The following IRX5 variants were observed in gnomAD, a reference collection of about 807,000 sequenced individuals.
IRX5 encodes the protein iroquois-class homeodomain protein IRX-5.
A neutral mutation model predicts 37.6 loss-of-function variants in IRX5; 8 were observed. The ratio of observed to expected loss-of-function variants is 0.21; its 90% CI spans 0.12 to 0.38. IRX5 has a LOEUF of 0.38. Ranked by LOEUF, IRX5 falls within the 10% of genes least tolerant of loss-of-function variation. The probability of loss-of-function intolerance (pLI) is 1.00; values close to 1 mark genes in which losing one functional copy is unlikely to be tolerated. For missense variants in IRX5, 635 were observed against 695.2 expected (o/e 0.91, Z 0.97); for synonymous variants, 359 against 328.6 (o/e 1.09, Z -1.00).
At position 54,931,399 on chromosome 16, in the gene IRX5, C is replaced by T. The variant is rs1446041154; in HGVS notation, c.201C>T (p.Tyr67=). The T allele has an allele frequency of 1.3e-5, 20 of 1,597,386 alleles. No individual in the cohort carries two copies. Among genetic ancestry groups the T allele is most frequent in the South Asian group, 2.2e-5 (2 of 90,800 alleles). The change falls in exon 1 of 3, where the codon TAC becomes TAT. Residue 67 remains tyrosine, a synonymous_variant. Coordinates refer to ENST00000394636, the MANE Select transcript of IRX5 (RefSeq NM_005853.6). ...PSPGYNSHLQ[Y]GADPAAAAAA... is the part of the protein sequence containing the mutation. ...CGGGCTACAACTCGCACCTCCAGTA[C>T]GGCGCCGACCCCGCGGCCGCCGCCG...
In IRX5 at chr16:54,931,087, G is replaced by T; in HGVS notation, c.-112G>T. 1 of 789,650 alleles carries T rather than the reference G, an allele frequency of 1.3e-6. No individual in the cohort carries two copies. The highest frequency in any genetic ancestry group is 5.8e-5 in the South Asian group (1 of 17,126). The allele number at this position is 789,650 out of a possible 1,614,324, so 48.9% of individuals were successfully genotyped here. On this transcript the variant is annotated 5_prime_UTR_variant, in exon 1 of 3. Coordinates refer to ENST00000394636, the MANE Select transcript of IRX5 (RefSeq NM_005853.6). ...CGGAGCCCCGGAGCCGGGGCCAGAGGAGCGGCGGCCCAGGGCAGCCAGAGG... is the reference window on the plus strand; with the variant it reads ...CGGAGCCCCGGAGCCGGGGCCAGAGTAGCGGCGGCCCAGGGCAGCCAGAGG...
Position 54,933,659 on chromosome 16 carries a change from C to A in IRX5, c.1238C>A (p.Thr413Lys). 1 of 1,611,990 alleles carries A rather than the reference C, an allele frequency of 6.2e-7. No homozygotes were observed. Among genetic ancestry groups the A allele is most frequent in the Non-Finnish European group, 8.5e-7 (1 of 1,178,460 alleles). Reference sequence around the variant, plus strand: ...ACCGCGCCCTTCTATCCCGGCTACACGAACTATGGCTCCTTCGGACACCTT... The same window carrying A: ...ACCGCGCCCTTCTATCCCGGCTACAAGAACTATGGCTCCTTCGGACACCTT... ...YYTAPFYPGY[T>K]NYGSFGHLHG... The change falls in exon 3 of 3, where the codon ACG (threonine) becomes AAG (lysine). Residue 413 changes from threonine to lysine, a missense_variant. Thr to Lys is a moderately conservative substitution (Grantham distance 78). Around this residue, in one of 5 missense-constraint regions of IRX5, gnomAD observed 188 missense variants for 200.8 expected, o/e 0.94. Coordinates refer to ENST00000394636, the MANE Select transcript of IRX5 (RefSeq NM_005853.6).
rs1485346825 is a variant in IRX5 at position 54,931,187 on chromosome 16, C to T, written c.-12C>T. ...GGCCGCGGCGCGGCGCGCCCCATGC[C>T]CGTGTGTGGCCATGTCCTATCCGCA... is the stretch of plus-strand genomic sequence containing the variant. On this transcript the variant is annotated 5_prime_UTR_variant, in exon 1 of 3. Transcript: ENST00000394636. 1.0e-5 allele frequency: 16 copies of T among 1,567,594 alleles called. No homozygotes were observed. Among genetic ancestry groups the T allele is most frequent in the Admixed American group, 1.8e-5 (1 of 55,686 alleles).
rs1255655318 is a variant in IRX5, at chr16:54,933,567, G to T, written c.1146G>T (p.Pro382=). 1.2e-6 allele frequency: 2 copies of T among 1,608,332 alleles called. No individual in the cohort carries two copies. Among genetic ancestry groups the T allele is most frequent in the Non-Finnish European group, 1.7e-6 (2 of 1,177,208 alleles). Residue 382 remains proline (P), a synonymous_variant, in exon 3 of 3, where the codon CCG becomes CCT. Transcript: ENST00000394636. ...GGSRASPAPA[P]SRSPSAQCPF... ...GCCGGGCGTCGCCGGCCCCGGCGCCGTCACGCTCGCCCTCGGCGCAGTGTC... is the reference window on the plus strand; with the variant it reads ...GCCGGGCGTCGCCGGCCCCGGCGCCTTCACGCTCGCCCTCGGCGCAGTGTC...
In IRX5 at chr16:54,933,425, G is replaced by A; in HGVS notation, c.1004G>A (p.Trp335Ter). The A allele has an allele frequency of 6.2e-7, 1 of 1,609,354 alleles. No homozygotes were observed. The highest frequency in any genetic ancestry group is 8.5e-7 in the Non-Finnish European group (1 of 1,178,700). The change falls in exon 3 of 3, where the codon TGG becomes TAG. Residue 335 changes from tryptophan to a stop codon, truncating the protein, a stop_gained. Coordinates refer to ENST00000394636, the MANE Select transcript of IRX5 (RefSeq NM_005853.6). LOFTEE classifies it high-confidence loss of function. ...PPAVLAKPKL[W>*]SLAEIATSSD... ...GCGGTGCTCGCCAAGCCCAAACTGTGGTCTTTGGCAGAGATCGCCACATCG... is the reference window on the plus strand; with the variant it reads ...GCGGTGCTCGCCAAGCCCAAACTGTAGTCTTTGGCAGAGATCGCCACATCG...
Position 54,932,181 on chromosome 16 carries a change from G to C in IRX5, c.250-317G>C, listed in dbSNP as rs1211581134. On this transcript the variant is annotated intron_variant, in intron 1 of 2. Coordinates refer to ENST00000394636, the MANE Select transcript of IRX5 (RefSeq NM_005853.6). This position sits in a 1 kb window ranked among gnomAD's most constrained non-coding sequence, Gnocchi z 6.7. Reference sequence around the variant, plus strand: ...CAGGCCTCTATCTGCATGGAGGGCCGGGCCGCCGTGGCCAGATCTGCGCAC... The same window carrying C: ...CAGGCCTCTATCTGCATGGAGGGCCCGGCCGCCGTGGCCAGATCTGCGCAC... 1 of 702,804 alleles carries C rather than the reference G, an allele frequency of 1.4e-6. No individual in the cohort carries two copies. The highest frequency in any genetic ancestry group is 1.5e-5 in the South Asian group (1 of 67,574). 43.5% of individuals were successfully genotyped at this position (702,804 alleles called of 1,614,324 possible). A position where few individuals can be genotyped will look rare whatever the true frequency, so the allele number is the denominator to read the frequency against.
At position 54,931,443 on chromosome 16, in the gene IRX5, A is replaced by G; in HGVS notation, c.245A>G (p.Tyr82Cys). 1 of 1,582,948 alleles carries G rather than the reference A, an allele frequency of 6.3e-7. No individual in the cohort carries two copies. Among genetic ancestry groups the G allele is most frequent in the Non-Finnish European group, 8.5e-7 (1 of 1,172,700 alleles). The change falls in exon 1 of 3, where the codon TAC becomes TGC. Residue 82 changes from tyrosine (Y) to cysteine (C), a missense_variant. Physicochemically the swap from Tyr to Cys is radical, Grantham distance 194. Around this residue, in one of 5 missense-constraint regions of IRX5, gnomAD observed 145 missense variants for 152.4 expected, o/e 0.95. Transcript: ENST00000394636. ...AAAAAAAFSSYVGSPYDHTPG... is the reference protein window; with the variant it reads ...AAAAAAAFSSCVGSPYDHTPG... ...GCCGCCGCCGCCGCCTTCTCCTCGT[A>G]CGTGGTAAGTGAGCGGGATCCGCGG...
chr16:54,932,276 C>T lies in IRX5; in HGVS notation c.250-222C>T, dbSNP rs747161526. ...CCGAGGCCGGGACAGCTTCAGGGGC[C>T]CCAGAAGGACCTGACCCAGAAATTG... On this transcript the variant is annotated intron_variant, in intron 1 of 2. Coordinates refer to ENST00000394636, the MANE Select transcript of IRX5 (RefSeq NM_005853.6). The surrounding 1 kb of genome is among the most constrained non-coding windows in gnomAD (Gnocchi z 6.7). 1.1e-5 allele frequency: 7 copies of T among 666,436 alleles called. No individual in the cohort carries two copies. Among genetic ancestry groups the T allele is most frequent in the South Asian group, 1.6e-5 (1 of 61,998 alleles). The allele number at this position is 666,436 out of a possible 1,614,324, so 41.3% of individuals were successfully genotyped here.
Position 54,932,209 on chromosome 16 carries a change from G to C in IRX5, c.250-289G>C, listed in dbSNP as rs1475206531. The C allele has an allele frequency of 2.9e-5, 20 of 700,678 alleles. No homozygotes were observed. In the Middle Eastern group the frequency reaches 9.2e-4, roughly 32 times the overall value. 43.4% of individuals were successfully genotyped at this position (700,678 alleles called of 1,614,324 possible). ...CCGCCGTGGCCAGATCTGCGCACGG[G>C]GTACGGACGTGCCCGGGCAGATGGG... On this transcript the variant is annotated intron_variant, in intron 1 of 2. Transcript: ENST00000394636. The surrounding 1 kb of genome is among the most constrained non-coding windows in gnomAD (Gnocchi z 6.7).
rs1354769767 is a variant in IRX5 at position 54,932,236 on chromosome 16, G to A, written c.250-262G>A. On this transcript the variant is annotated intron_variant, in intron 1 of 2. Coordinates refer to ENST00000394636, the MANE Select transcript of IRX5 (RefSeq NM_005853.6). The surrounding 1 kb of genome is among the most constrained non-coding windows in gnomAD (Gnocchi z 6.7). ...TACGGACGTGCCCGGGCAGATGGGG[G>A]CCTACGGGGTGACACCGAGGCCGGG... 4.4e-6 allele frequency: 3 copies of A among 689,128 alleles called. No individual in the cohort carries two copies. Among genetic ancestry groups the A allele is most frequent in the South Asian group, 3.0e-5 (2 of 66,656 alleles). The allele number at this position is 689,128 out of a possible 1,614,324, so 42.7% of individuals were successfully genotyped here. A position where few individuals can be genotyped will look rare whatever the true frequency, so the allele number is the denominator to read the frequency against.
Position 54,932,665 on chromosome 16 carries a change from C to G in IRX5, c.417C>G (p.Pro139=). Residue 139 remains proline (P), a synonymous_variant, in exon 2 of 3, where the codon CCC becomes CCG. Transcript: ENST00000394636. This position sits in a 1 kb window ranked among gnomAD's most constrained non-coding sequence, Gnocchi z 6.7. ...GGCTCAACGAGCACCGCAAGAACCC[C>G]TACCCCACCAAGGGCGAGAAGATCA... The part of the protein sequence containing the change: ...KAWLNEHRKN[P]YPTKGEKIML... 6.2e-7 allele frequency: 1 copy of G among 1,614,074 alleles called. No individual in the cohort carries two copies. The highest frequency in any genetic ancestry group is 1.3e-5 in the African/African-American group (1 of 75,064).
rs2142357145 is a variant in IRX5, at chr16:54,934,297, G to T, written c.*424G>T. 6.5e-6 allele frequency: 1 copy of T among 153,306 alleles called. No individual in the cohort carries two copies. The highest frequency in any genetic ancestry group is 2.4e-5 in the African/African-American group (1 of 41,556). The allele number at this position is 153,306 out of a possible 1,614,324, so 9.5% of individuals were successfully genotyped here. A position where few individuals can be genotyped will look rare whatever the true frequency, so the allele number is the denominator to read the frequency against. On this transcript the variant is annotated 3_prime_UTR_variant, in exon 3 of 3. Transcript: ENST00000394636. ...TTTAATTTAATTTTTTACACCTATT[G>T]ATTCTGCTGGGTATGAGCTAAAGTA...
rs923982801 is a variant in IRX5 at position 54,932,194 on chromosome 16, C to A, written c.250-304C>A. 3 of 702,662 alleles carry A rather than the reference C, an allele frequency of 4.3e-6. No individual in the cohort carries two copies. Among genetic ancestry groups the A allele is most frequent in the Non-Finnish European group, 7.8e-6 (3 of 384,976 alleles). 43.5% of individuals were successfully genotyped at this position (702,662 alleles called of 1,614,324 possible). A position where few individuals can be genotyped will look rare whatever the true frequency, so the allele number is the denominator to read the frequency against. Reference sequence around the variant, plus strand: ...GCATGGAGGGCCGGGCCGCCGTGGCCAGATCTGCGCACGGGGTACGGACGT... The same window carrying A: ...GCATGGAGGGCCGGGCCGCCGTGGCAAGATCTGCGCACGGGGTACGGACGT... On this transcript the variant is annotated intron_variant, in intron 1 of 2. Coordinates refer to ENST00000394636, the MANE Select transcript of IRX5 (RefSeq NM_005853.6). This position sits in a 1 kb window ranked among gnomAD's most constrained non-coding sequence, Gnocchi z 6.7.
chr16:54,931,778 A>G (rs1335482963), intron 1 of IRX5, among the ~76,000 whole-genome samples: 1 of 152,206 alleles, frequency 6.6e-6, no homozygotes, highest in Non-Finnish European at 1.5e-5. Flanking sequence ...GCCATTTTGG[A>G]AAAGTAGTTC....
rs1596763724 is a variant in IRX5 at position 54,933,730 on chromosome 16, T to G, written c.1309T>G (p.Ser437Ala). 1 of 1,613,338 alleles carries G rather than the reference T, an allele frequency of 6.2e-7. No individual in the cohort carries two copies. The highest frequency in any genetic ancestry group is 8.5e-7 in the Non-Finnish European group (1 of 1,179,810). Residue 437 changes from serine to alanine, a missense_variant, in exon 3 of 3, where the codon TCT becomes GCT. By Grantham distance (99) the Ser-to-Ala change is moderately conservative. This residue lies in a region of IRX5 where 188 missense variants were observed against 200.8 expected (regional missense o/e 0.94). Coordinates refer to ENST00000394636, the MANE Select transcript of IRX5 (RefSeq NM_005853.6). Reference sequence around the variant, plus strand: ...GCCAGGCCCCACAACCGGTCCGGGGTCTCATTTCAATGGATTAAACCAGAC... The same window carrying G: ...GCCAGGCCCCACAACCGGTCCGGGGGCTCATTTCAATGGATTAAACCAGAC... ...PGPGPTTGPG[S>A]HFNGLNQTVL...
At position 54,931,307 on chromosome 16, in the gene IRX5, G is replaced by C. The variant is rs1963893119; in HGVS notation, c.109G>C (p.Gly37Arg). 2 of 1,612,296 alleles carry C rather than the reference G, an allele frequency of 1.2e-6. No homozygotes were observed. The highest frequency in any genetic ancestry group is 2.2e-5 in the East Asian group (1 of 44,854). Residue 37 changes from glycine to arginine, a missense_variant, in exon 1 of 3, where the codon GGC (glycine) becomes CGC (arginine). Physicochemically the swap from Gly to Arg is moderately radical, Grantham distance 125 (BLOSUM62 -2). Transcript: ENST00000394636. ...VISGPRTDEL[G>R]RSSSGSAFSP... ...TTCGGGGCCCCGCACGGATGAGCTCGGCCGCTCTTCTTCGGGCTCCGCGTT... is the reference window on the plus strand; with the variant it reads ...TTCGGGGCCCCGCACGGATGAGCTCCGCCGCTCTTCTTCGGGCTCCGCGTT...
In IRX5 at chr16:54,933,510, C is replaced by A. The variant is rs552341113; in HGVS notation, c.1089C>A (p.Pro363=). The A allele has an allele frequency of 4.3e-6, 7 of 1,610,498 alleles. No individual in the cohort carries two copies. In the African/African-American group the frequency reaches 6.7e-5, roughly 15 times the overall value. ...AGGGCTCTCCATGCCCACCGTGTCC[C>A]GGGCCCATAGCCGGGCAAGCCCTAG... ...GNEGSPCPPC[P]GPIAGQALGG... The change falls in exon 3 of 3, where the codon CCC becomes CCA. Residue 363 remains proline, a synonymous_variant. Transcript: ENST00000394636.
chr16:54,933,237 G>A lies in IRX5; in HGVS notation c.816G>A (p.Gly272=), dbSNP rs745590298. ...TGCAGGGCCCCCCCCGCACCGGCGG[G>A]CCCTCCCCGGCTGGGCCAGCGGCGG... The part of the protein sequence containing the change: ...DALQGPPRTG[G]PSPAGPAAAR... The change falls in exon 3 of 3, where the codon GGG becomes GGA. Residue 272 remains glycine, a synonymous_variant. Coordinates refer to ENST00000394636, the MANE Select transcript of IRX5 (RefSeq NM_005853.6). The A allele has an allele frequency of 6.9e-7, 1 of 1,445,216 alleles. No individual in the cohort carries two copies. The highest frequency in any genetic ancestry group is 1.4e-5 in the South Asian group (1 of 73,156). 89.5% of individuals were successfully genotyped at this position (1,445,216 alleles called of 1,614,324 possible).
At position 54,933,528 on chromosome 16, in the gene IRX5, A is replaced by T. The variant is rs752087269; in HGVS notation, c.1107A>T (p.Gln369His). 24 of 1,607,074 alleles carry T rather than the reference A, an allele frequency of 1.5e-5. No homozygotes were observed. The highest frequency in any genetic ancestry group is 1.9e-5 in the Non-Finnish European group (22 of 1,176,616). ...CGTGTCCCGGGCCCATAGCCGGGCA[A>T]GCCCTAGGAGGCAGCCGGGCGTCGC... is the stretch of plus-strand genomic sequence containing the variant. ...CPPCPGPIAG[Q>H]ALGGSRASPA... The change falls in exon 3 of 3, where the codon CAA (glutamine) becomes CAT (histidine). Residue 369 changes from glutamine (Q) to histidine (H), a missense_variant. Gln to His is a conservative substitution (Grantham distance 24, BLOSUM62 0). Transcript: ENST00000394636.
Sources: allele counts gnomAD v4.1 joint callset (sites outside exome capture counted in the v4.1 genomes callset), GRCh38; gene constraint gnomAD v4.1.1; regional missense constraint gnomAD v4.1.1; non-coding constraint Gnocchi (gnomAD v3.1); transcripts MANE v1.5; gene names NCBI Gene and HGNC (gene_info 2026-07-23, HGNC 2026-07-21).